Variants in SORT1 observed in about 807,000 individuals in gnomAD.
The protein encoded by SORT1 is sortilin 1, also known as sortilin.
In SORT1, 39 loss-of-function variants were observed where a neutral mutation model predicts 101.7. The observed-to-expected ratio is 0.38, with a 90% CI of 0.30 to 0.50. The LOEUF is 0.50. Among genes scored for constraint, SORT1 ranks in the 20% least tolerant of loss-of-function variants. The probability of loss-of-function intolerance (pLI) is 0.90; values close to 1 mark genes in which losing one functional copy is unlikely to be tolerated. For missense variants in SORT1, 878 were observed against 1,040.4 expected, an observed-to-expected ratio of 0.84 and a Z score of 2.15; for synonymous variants, 396 against 393.7, an observed-to-expected ratio of 1.01 and a Z score of -0.07.
chr1:109,394,425 G>A (rs949893380), intron 1 of SORT1, among the ~76,000 whole-genome samples: 1 of 151,872 alleles, frequency 6.6e-6, no homozygotes, highest in Non-Finnish European at 1.5e-5. Flanking sequence ...AATGATATGA[G>A]AAAAAAAACC....
At chr1:109,316,785 T>G in intron 17 of SORT1, 65 bp downstream of exon 17, 3 of 1,060,142 alleles carry the variant, frequency 2.8e-6, no homozygotes, top group South Asian at 2.9e-5. Flanking sequence ...TGCTTTAACT[T>G]TGATTTTTCT....
chr1:109,395,697 C>A (rs1448549008), intron 1 of SORT1, among the ~76,000 whole-genome samples: 2 of 152,084 alleles, frequency 1.3e-5, no homozygotes, highest in Non-Finnish European at 2.9e-5. Context: ...AACCCCTGAG[C>A]CAGTTTTTTC....
chr1:109,345,170 G>C (rs1649493953), intron 8 of SORT1, among the ~76,000 whole-genome samples: 2 of 152,210 alleles, frequency 1.3e-5, no homozygotes, highest in African/African-American at 4.8e-5. Flanking sequence ...TAATGAGCAA[G>C]AGATTGCTTT....
intron 15 of SORT1, among the ~76,000 whole-genome samples, chr1:109,318,839 C>G (rs2101532404): frequency 6.6e-6 from 1 of 152,192 alleles, no homozygotes; most frequent in East Asian, 1.9e-4. Context: ...AAGATGAGGT[C>G]TTGACAAATT....
chr1:109,335,119 T>C lies in SORT1; in HGVS notation c.1371+1121A>G, dbSNP rs1406224379. Among the ~76,000 whole-genome samples, 5 of 151,992 alleles carry C rather than the reference T, an allele frequency of 3.3e-5. No individual in the cohort carries two copies. In the East Asian group the frequency reaches 9.7e-4, roughly 29 times the overall value. ...AGGAATAGTGTGGGTGTTCAGGGAA[T>C]GGCAGGGGGTTGGTTACAAGGGGTG... On this transcript the variant is annotated intron_variant, in intron 11 of 19. Transcript: ENST00000256637.
chr1:109,376,316 G>GTGAACCCGGGAGGC, intron 1 of SORT1, among the ~76,000 whole-genome samples: 1 of 136,592 alleles, frequency 7.3e-6, no homozygotes. Context: ...GGGCAACAGA[G>GTGAACCCGGGAGGC]GGAGACTCCA....
intron 15 of SORT1, among the ~76,000 whole-genome samples, chr1:109,320,932 T>G (rs956998438): frequency 3.3e-5 from 5 of 152,056 alleles, no homozygotes; most frequent in African/African-American, 1.2e-4. Context: ...ATTTCTGGAT[T>G]TTTGTGAGTA....
chr1:109,388,685 A>C (rs1652727544), intron 1 of SORT1, among the ~76,000 whole-genome samples: 1 of 152,222 alleles, frequency 6.6e-6, no homozygotes, highest in South Asian at 2.1e-4. Context: ...TTGTAATGAA[A>C]ATCATTACAA....
At position 109,345,823 on chromosome 1, in the gene SORT1, T is replaced by A; in HGVS notation, c.891A>T (p.Lys297Asn). 2 of 1,613,664 alleles carry A rather than the reference T, an allele frequency of 1.2e-6. No individual in the cohort carries two copies. Among genetic ancestry groups the A allele is most frequent in the Non-Finnish European group, 1.7e-6 (2 of 1,179,634 alleles). The stretch of plus-strand genomic sequence containing the variant: ...ATGAGTAGATTTTCACACCAATAGT[T>A]TTGAAGCTTTTTCCCAAGTCTGAAG... ...WRTSDLGKSF[K>N]TIGVKIYSFG... is the part of the protein sequence containing the mutation. Residue 297 changes from lysine (K) to asparagine (N), a missense_variant, in exon 8 of 20, where the codon AAA (lysine) becomes AAT (asparagine). Physicochemically the swap from Lys to Asn is moderately conservative, Grantham distance 94 (BLOSUM62 0). Around this residue, in one of 2 missense-constraint regions of SORT1, gnomAD observed 684 missense variants for 894.5 expected, o/e 0.76. Transcript: ENST00000256637.
At chr1:109,361,566 T>C (rs1416788325) in intron 3 of SORT1, among the ~76,000 whole-genome samples, 1 of 152,202 alleles carries the variant, frequency 6.6e-6, no homozygotes, top group Non-Finnish European at 1.5e-5. Context: ...CAAAAACTCT[T>C]TCTGCTTCTA....
intron 3 of SORT1, among the ~76,000 whole-genome samples, chr1:109,364,805 T>C (rs944374434): frequency 1.4e-4 from 22 of 152,222 alleles, no homozygotes; most frequent in African/African-American, 5.1e-4. Context: ...ATCATTGGCA[T>C]GGCAGCAACT....
chr1:109,352,477 A>G (rs2101600163), intron 5 of SORT1, among the ~76,000 whole-genome samples: 1 of 152,340 alleles, frequency 6.6e-6, no homozygotes, highest in Middle Eastern at 3.4e-3. Context: ...GACTGACAAC[A>G]TTACACCGGC....
chr1:109,354,351 C>G lies in SORT1; in HGVS notation c.708+16G>C. 6.2e-7 allele frequency: 1 copy of G among 1,603,468 alleles called. No individual in the cohort carries two copies. The highest frequency in any genetic ancestry group is 8.5e-7 in the Non-Finnish European group (1 of 1,172,398). On this transcript the variant is annotated intron_variant, in intron 5 of 19. Coordinates refer to ENST00000256637, the MANE Select transcript of SORT1 (RefSeq NM_002959.7). ...TAAAATGCAAAAGGCAAACCATGTT[C>G]CTCAACTGGACTTACTTCAGTGCTG...
chr1:109,392,553 T>G lies in SORT1; in HGVS notation c.306+5034A>C. 8.4e-6 allele frequency: 8 copies of G among 951,444 alleles called. 1 individual carries two copies. The highest frequency in any genetic ancestry group is 1.0e-5 in the Non-Finnish European group (8 of 798,896). 58.9% of individuals were successfully genotyped at this position (951,444 alleles called of 1,614,324 possible). A position where few individuals can be genotyped will look rare whatever the true frequency, so the allele number is the denominator to read the frequency against. On this transcript the variant is annotated intron_variant, in intron 1 of 19. Transcript: ENST00000256637. ...TCAGATTTCTAATTAAAAATCACTG[T>G]GCACAGAGCCAAACATTTGAGTCAG...
At chr1:109,374,392 G>A (rs1189876485) in intron 1 of SORT1, among the ~76,000 whole-genome samples, 1 of 151,992 alleles carries the variant, frequency 6.6e-6, no homozygotes, top group Non-Finnish European at 1.5e-5. Context: ...GGCCAACATG[G>A]TAAAATCCCG....
chr1:109,364,113 G>GA (rs977648506), intron 3 of SORT1, among the ~76,000 whole-genome samples: 2 of 151,756 alleles, frequency 1.3e-5, no homozygotes, highest in Non-Finnish European at 2.9e-5. Context: ...TGGGTAACAT[G>GA]AAAAAAAAGT....
chr1:109,328,660 G>A (rs1297235576), intron 11 of SORT1, among the ~76,000 whole-genome samples: 1 of 152,062 alleles, frequency 6.6e-6, no homozygotes, highest in African/African-American at 2.4e-5. Context: ...TTTCCTCATG[G>A]GTAACCTGTC....
intron 12 of SORT1, 69 bp downstream of exon 12, chr1:109,327,430 C>T: frequency 2.1e-6 from 2 of 969,688 alleles, no homozygotes. Context: ...GCGTTCAAAG[C>T]CTGTTGGCTG....
chr1:109,355,656 C>CCCG (rs1321675043), intron 3 of SORT1, among the ~76,000 whole-genome samples, 187 bp from the exon 4 acceptor site: 4 of 129,420 alleles, frequency 3.1e-5, no homozygotes, highest in African/African-American at 1.2e-4. Context: ...CCCCCCCCCC[C>CCCG]ACAAACCCAC....
Sources: allele counts gnomAD v4.1 joint callset (sites outside exome capture counted in the v4.1 genomes callset), GRCh38; gene constraint gnomAD v4.1.1; regional missense constraint gnomAD v4.1.1; transcripts MANE v1.5; gene names NCBI Gene and HGNC (gene_info 2026-07-23, HGNC 2026-07-21).